ZNF565: variants seen among roughly 807,000 people sequenced by gnomAD.
The protein encoded by ZNF565 is zinc finger protein 565.
In ZNF565, 27 loss-of-function variants were observed where a neutral mutation model predicts 39.4. That is an observed-to-expected ratio of 0.69 (90% CI 0.51 to 0.95). The LOEUF (loss-of-function observed/expected upper bound fraction) is 0.95, where lower values mean the gene tolerates loss of function less well. ZNF565 is among the 40% of genes least tolerant of loss of function. The pLI is 0.00. For missense variants in ZNF565, 524 were observed against 621.1 expected, an observed-to-expected ratio of 0.84 and a Z score of 1.66; for synonymous variants, 185 against 216.6, an observed-to-expected ratio of 0.85 and a Z score of 1.28.
chr19:36,197,512 G>A (rs921341162), intron 2 of ZNF565, among the ~76,000 whole-genome samples: 5 of 150,914 alleles, frequency 3.3e-5, no homozygotes, highest in Non-Finnish European at 3.0e-5. Context: ...AAAGAAGGAA[G>A]AGAGAAGGAA....
At chr19:36,238,783 AATT>A (rs1977741771) in intron 1 of ZNF565, 1 of 166,968 alleles carries the variant, frequency 6.0e-6, no homozygotes, top group Non-Finnish European at 1.5e-5. Context: ...AATCTGTTTT[AATT>A]ATTTTAACAT....
intron 2 of ZNF565, among the ~76,000 whole-genome samples, chr19:36,200,977 G>A (rs974255087): frequency 6.6e-6 from 1 of 151,828 alleles, no homozygotes; most frequent in African/African-American, 2.4e-5. Context: ...ATATTTGACG[G>A]TATTAAGTGT....
At chr19:36,228,810 A>T (rs944879120) in intron 1 of ZNF565, 2 of 152,312 alleles carry the variant, frequency 1.3e-5, no homozygotes, top group South Asian at 4.1e-4. Context: ...AGTGGGAAGG[A>T]TCTGCGCGGG....
At chr19:36,242,421 G>T (rs557963580) in intron 1 of ZNF565, among the ~76,000 whole-genome samples, 2 of 147,748 alleles carry the variant, frequency 1.4e-5, no homozygotes, top group Admixed American at 1.4e-4. Flanking sequence ...AAAAAATAAA[G>T]AACAACCTAT....
At chr19:36,211,101 T>A (rs1310915702) in intron 1 of ZNF565, among the ~76,000 whole-genome samples, 2 of 151,784 alleles carry the variant, frequency 1.3e-5, no homozygotes, top group African/African-American at 4.8e-5. Context: ...AATAATTTAG[T>A]AAATAAAAAA....
chr19:36,198,005 T>A (rs1271641798), intron 2 of ZNF565, among the ~76,000 whole-genome samples: 1 of 151,818 alleles, frequency 6.6e-6, no homozygotes, highest in African/African-American at 2.4e-5. Context: ...AAAAATTAGC[T>A]GGGCATGGTA....
intron 1 of ZNF565, among the ~76,000 whole-genome samples, chr19:36,225,946 T>C (rs1599971524): frequency 6.6e-6 from 1 of 151,708 alleles, no homozygotes; most frequent in Admixed American, 6.6e-5. Flanking sequence ...GATTTGAATT[T>C]TTTGCAGAGA....
At position 36,221,802 on chromosome 19, in the gene ZNF565, A is replaced by T. The variant is rs562730339; in HGVS notation, c.56-19752T>A. On this transcript the variant is annotated intron_variant, in intron 1 of 4. Coordinates refer to the ZNF565 transcript ENST00000355114. The stretch of plus-strand genomic sequence containing the variant: ...TTTTGTTTTTTGTTCTGTCACTATT[A>T]TATATTTCTCTTCACTCCTGTTTCC... Among the ~76,000 whole-genome samples, 3 of 149,920 alleles carry T rather than the reference A, an allele frequency of 2.0e-5. No homozygotes were observed. The East Asian group carries it at 5.9e-4, about 30-fold the overall frequency.
intron 3 of ZNF565, 136 bp from the exon 4 acceptor site, chr19:36,194,464 G>A (rs1454778378): frequency 3.4e-6 from 2 of 589,762 alleles, no homozygotes; most frequent in Non-Finnish European, 5.7e-6. Flanking sequence ...GAGCTGCCCA[G>A]CAGAATGACT....
At chr19:36,225,310 T>A (rs2038722393) in intron 1 of ZNF565, among the ~76,000 whole-genome samples, 1 of 152,194 alleles carries the variant, frequency 6.6e-6, no homozygotes, top group South Asian at 2.1e-4. Flanking sequence ...AAACAAAAAA[T>A]CAAATGGGAC....
chr19:36,214,583 A>C (rs1430983402), intron 1 of ZNF565, 39 bp downstream of exon 1: 3 of 153,056 alleles, frequency 2.0e-5, no homozygotes, highest in Admixed American at 6.5e-5. Context: ...GAGGCTCCGG[A>C]CACGCCCCGG....
At chr19:36,195,197 T>C in intron 2 of ZNF565, 41 bp from the exon 3 acceptor site, 3 of 1,572,150 alleles carry the variant, frequency 1.9e-6, no homozygotes, top group Non-Finnish European at 2.6e-6. Flanking sequence ...ATTAAGAAAC[T>C]TTTTTCATTT....
chr19:36,206,695 G>T (rs1976168589), intron 1 of ZNF565, among the ~76,000 whole-genome samples: 1 of 152,036 alleles, frequency 6.6e-6, no homozygotes, highest in African/African-American at 2.4e-5. Context: ...AGCTGGGTGT[G>T]GTGGCGCATG....
chr19:36,233,764 T>C (rs4361039), intron 1 of ZNF565, among the ~76,000 whole-genome samples: 39,426 of 152,148 alleles, frequency 0.26, 5,517 homozygotes, highest in African/African-American at 0.37. Context: ...AAGGCGGTTT[T>C]CCCCTATCTC....
intron 1 of ZNF565, among the ~76,000 whole-genome samples, chr19:36,232,217 C>T (rs1038992590): frequency 2.9e-4 from 43 of 147,746 alleles, no homozygotes; most frequent in African/African-American, 1.1e-3. Context: ...AAAAAACATA[C>T]AAATTATGTG....
intron 1 of ZNF565, among the ~76,000 whole-genome samples, chr19:36,210,337 T>C (rs960910233): frequency 6.8e-6 from 1 of 146,990 alleles, no homozygotes; most frequent in Non-Finnish European, 1.5e-5. Flanking sequence ...GGCAGGAGAA[T>C]TGCTTGAACC....
rs765824111 is a variant in ZNF565 at position 36,182,758 on chromosome 19, C to T, written c.1208G>A (p.Ser403Asn). 2.5e-6 allele frequency: 4 copies of T among 1,613,914 alleles called. No individual in the cohort carries two copies. In the African/African-American group the frequency reaches 5.3e-5, roughly 22 times the overall value. The change falls in exon 5 of 5, where the codon AGC becomes AAC. Residue 403 changes from serine (S) to asparagine (N), a missense_variant. Transcript: ENST00000304116. ...CKDCGKAFSR[S>N]SYLIQHQRIH... ...TCTTTGATGTTGAATGAGGTATGAG[C>T]TACGACTAAATGCCTTCCCGCAGTC...
upstream of ZNF565, among the ~76,000 whole-genome samples, chr19:36,216,345 T>C (rs531571490): frequency 1.8e-4 from 27 of 152,216 alleles, no homozygotes; most frequent in African/African-American, 6.3e-4. Context: ...AATGTATTAA[T>C]TTACTGTGAT....
intron 4 of ZNF565, among the ~76,000 whole-genome samples, chr19:36,192,502 AGGTT>A (rs1235465810): frequency 3.3e-5 from 5 of 151,448 alleles, no homozygotes; most frequent in Non-Finnish European, 7.4e-5. Flanking sequence ...GCACTTTGGA[AGGTT>A]GAGGTGGGCA....
Sources: gnomAD v4.1 joint callset for allele counts (sites outside exome capture counted in the v4.1 genomes callset) on GRCh38, gnomAD v4.1.1 for gene constraint, MANE v1.5 for transcripts, NCBI Gene and HGNC (gene_info 2026-07-23, HGNC 2026-07-21) for gene names.